Variants in C1D observed in about 807,000 individuals in gnomAD.
C1D encodes C1D nuclear receptor corepressor.
C1D carries 10 observed loss-of-function variants against 17.5 expected under a neutral mutation model. That is an observed-to-expected ratio of 0.57 (90% CI 0.35 to 0.97). The LOEUF (loss-of-function observed/expected upper bound fraction) is 0.97, where lower values mean the gene tolerates loss of function less well. C1D is among the 50% of genes least tolerant of loss of function. The pLI, the probability that C1D is intolerant of heterozygous loss-of-function variation, is 0.01. For missense variants in C1D, 136 were observed against 160.1 expected (o/e 0.85, Z 0.81); for synonymous variants, 49 against 54.0 (o/e 0.91, Z 0.40).
chr2:68,061,049 C>G (rs1023133685), intron 1 of C1D, among the ~76,000 whole-genome samples: 1 of 152,220 alleles, frequency 6.6e-6, no homozygotes, highest in Non-Finnish European at 1.5e-5. Context: ...CATTCCAGGG[C>G]TCTTCCCATC....
chr2:68,041,636 C>T lies in C1D; in HGVS notation c.*1253G>A, dbSNP rs147341663. 201 of 152,160 alleles carry T rather than the reference C, an allele frequency of 1.3e-3. No individual in the cohort carries two copies. Among genetic ancestry groups the T allele is most frequent in the African/African-American group, 4.7e-3 (195 of 41,572 alleles). 9.4% of individuals were successfully genotyped at this position (152,160 alleles called of 1,614,324 possible). A position where few individuals can be genotyped will look rare whatever the true frequency, so the allele number is the denominator to read the frequency against. On this transcript the variant is annotated 3_prime_UTR_variant, in exon 5 of 5. Coordinates refer to ENST00000410067, the MANE Select transcript of C1D (RefSeq NM_173177.3). The stretch of plus-strand genomic sequence containing the variant: ...TTCATGTGTCATAGAAAGAGTTCAA[C>T]ATGCTTTACAAAATCCATTACATTT...
chr2:68,061,215 A>C (rs546770009), intron 1 of C1D, among the ~76,000 whole-genome samples: 1 of 152,374 alleles, frequency 6.6e-6, no homozygotes, highest in African/African-American at 2.4e-5. Context: ...GCATTATCTT[A>C]GGAGAAAATA....
chr2:68,056,206 T>C (rs1477722092), intron 1 of C1D, among the ~76,000 whole-genome samples: 3 of 152,180 alleles, frequency 2.0e-5, no homozygotes, highest in African/African-American at 7.2e-5. Context: ...CAACGCAACC[T>C]CTGCCTCCCA....
rs190731290 is a variant in C1D at position 68,046,027 on chromosome 2, T to C, written c.222A>G (p.Gln74=). The C allele has an allele frequency of 5.7e-4, 905 of 1,589,382 alleles. 12 individuals carry two copies. The East Asian group carries it at 6.5e-3, about 11-fold the overall frequency. The change falls in exon 4 of 5, where the codon CAA becomes CAG. Residue 74 remains glutamine (Q), a synonymous_variant. Transcript: ENST00000410067. ...CTGGATGTTCCTTAGGATTAACTCC[T>C]TGGGTTGCCAAATAAACTACAAGAG... ...NSMFWVYLAT[Q]GVNPKEHPVK... is the part of the protein sequence containing the mutation.
chr2:68,060,225 G>T (rs570847930), intron 1 of C1D, among the ~76,000 whole-genome samples: 1 of 152,192 alleles, frequency 6.6e-6, no homozygotes, highest in African/African-American at 2.4e-5. Flanking sequence ...CTTCTTTCCA[G>T]CCAGTTAAGA....
At chr2:68,043,097 G>A (rs1313096910) in intron 4 of C1D, 44 bp from the exon 5 acceptor site, 6 of 1,412,566 alleles carry the variant, frequency 4.2e-6, no homozygotes, top group South Asian at 3.9e-5. Flanking sequence ...TAAGCTATTC[G>A]CCACCACTGA....
At chr2:68,044,791 G>A (rs78590278) in intron 4 of C1D, among the ~76,000 whole-genome samples, 1 of 152,224 alleles carries the variant, frequency 6.6e-6, no homozygotes, top group East Asian at 1.9e-4. Flanking sequence ...GAATATTAAT[G>A]TACTACTTCA....
At chr2:68,046,863 A>T (rs1416925422) in intron 2 of C1D, among the ~76,000 whole-genome samples, 6 of 152,158 alleles carry the variant, frequency 3.9e-5, no homozygotes, top group Admixed American at 3.3e-4. Flanking sequence ...TTTGTCCTAT[A>T]GGGTTTCCAG....
In C1D at chr2:68,042,962, A is replaced by C. The variant is rs1010992488; in HGVS notation, c.353T>G (p.Val118Gly). The C allele has an allele frequency of 6.2e-7, 1 of 1,609,760 alleles. No homozygotes were observed. The highest frequency in any genetic ancestry group is 8.5e-7 in the Non-Finnish European group (1 of 1,178,024). Residue 118 changes from valine to glycine, a missense_variant, in exon 5 of 5, where the codon GTA becomes GGA. Val to Gly is a moderately radical substitution (Grantham distance 109). Transcript: ENST00000410067. ...KLDRGAASRF[V>G]KNALWEPKSK... The stretch of plus-strand genomic sequence containing the variant: ...TTTTGGTTCCCAGAGGGCATTTTTT[A>C]CAAATCTTGAAGCTGCACCTCTGTC...
intron 1 of C1D, 40 bp from the exon 2 acceptor site, chr2:68,047,359 G>C: frequency 6.6e-7 from 1 of 1,524,716 alleles, no homozygotes; most frequent in Non-Finnish European, 8.9e-7. Context: ...ATTAGAGACA[G>C]AGCTTGTTCT....
chr2:68,043,123 A>C, intron 4 of C1D, 70 bp from the exon 5 acceptor site: 4 of 1,194,254 alleles, frequency 3.3e-6, no homozygotes, highest in Non-Finnish European at 4.7e-6. Flanking sequence ...ATTATACTGT[A>C]CACCTTGGTT....
Position 68,046,424 on chromosome 2 carries a change from A to G in C1D, c.139-14T>C, listed in dbSNP as rs767008362. 6 of 1,593,192 alleles carry G rather than the reference A, an allele frequency of 3.8e-6. No individual in the cohort carries two copies. The highest frequency in any genetic ancestry group is 2.2e-5 in the South Asian group (2 of 90,172). ...AAGTGGATCCAACTGTTAAAAAAGA[A>G]AGAGAGAGGGAAAGAGAGAAAGTGA... is the stretch of plus-strand genomic sequence containing the variant. On this transcript the variant is annotated splice_polypyrimidine_tract_variant and intron_variant, in intron 2 of 4. Coordinates refer to ENST00000410067, the MANE Select transcript of C1D (RefSeq NM_173177.3).
intron 1 of C1D, among the ~76,000 whole-genome samples, chr2:68,057,584 A>C (rs1341926790): frequency 6.6e-6 from 1 of 152,246 alleles, no homozygotes; most frequent in African/African-American, 2.4e-5. Flanking sequence ...GGAAACAAAA[A>C]GCAAGAAAGT....
intron 1 of C1D, among the ~76,000 whole-genome samples, chr2:68,055,231 A>T (rs1473216426): frequency 6.6e-6 from 1 of 152,200 alleles, no homozygotes. Flanking sequence ...GGTGAAATGC[A>T]CATATTATGA....
chr2:68,062,145 C>G (rs1289111843), intron 1 of C1D, among the ~76,000 whole-genome samples: 1 of 152,158 alleles, frequency 6.6e-6, no homozygotes, highest in Non-Finnish European at 1.5e-5. Context: ...ATGCCTGTAT[C>G]AAAACATCTC....
intron 1 of C1D, among the ~76,000 whole-genome samples, 153 bp from the exon 2 acceptor site, chr2:68,047,472 A>G (rs1671162477): frequency 6.6e-6 from 1 of 152,228 alleles, no homozygotes; most frequent in Non-Finnish European, 1.5e-5. Flanking sequence ...TTCTAGATTA[A>G]CTACATTCCA....
At chr2:68,047,449 T>C in intron 1 of C1D, 130 bp from the exon 2 acceptor site, 5 of 618,338 alleles carry the variant, frequency 8.1e-6, no homozygotes, top group Non-Finnish European at 1.3e-5. Context: ...AGACAAATCT[T>C]TTTAAAATTT....
At chr2:68,044,051 T>A (rs1671047149) in intron 4 of C1D, among the ~76,000 whole-genome samples, 1 of 152,174 alleles carries the variant, frequency 6.6e-6, no homozygotes. Flanking sequence ...TCTACTCAAA[T>A]GTTAACCTTG....
intron 1 of C1D, among the ~76,000 whole-genome samples, chr2:68,061,349 T>G (rs1671623869): frequency 6.6e-6 from 1 of 152,224 alleles, no homozygotes; most frequent in Non-Finnish European, 1.5e-5. Flanking sequence ...AAATATAGAC[T>G]TCTTCCTTTT....
Sources: allele counts gnomAD v4.1 joint callset (sites outside exome capture counted in the v4.1 genomes callset), GRCh38; gene constraint gnomAD v4.1.1; transcripts MANE v1.5; gene names NCBI Gene and HGNC (gene_info 2026-07-23, HGNC 2026-07-21).